Variants in STX2 observed in about 807,000 individuals in gnomAD.
STX2 encodes syntaxin 2.
In STX2, 27 loss-of-function variants were observed where a neutral mutation model predicts 40.6. That is an observed-to-expected ratio of 0.66 (90% confidence interval 0.49 to 0.92). The LOEUF (loss-of-function observed/expected upper bound fraction) is 0.92. STX2 is among the 40% of genes least tolerant of loss of function. The pLI is 0.00. For missense variants in STX2, 328 were observed against 366.1 expected, an observed-to-expected ratio of 0.90 and a Z score of 0.85; for synonymous variants, 123 against 119.1, an observed-to-expected ratio of 1.03 and a Z score of -0.22.
At chr12:130,808,466 C>T (rs1951523419) in intron 5 of STX2, among the ~76,000 whole-genome samples, 165 bp downstream of exon 5, 1 of 152,142 alleles carries the variant, frequency 6.6e-6, no homozygotes, top group African/African-American at 2.4e-5. Context: ...CAAAATAAAC[C>T]TCTGTCTCAG....
chr12:130,797,859 G>C (rs745687293), intron 9 of STX2, among the ~76,000 whole-genome samples: 2 of 152,192 alleles, frequency 1.3e-5, no homozygotes, highest in Non-Finnish European at 2.9e-5. Context: ...AAGACTGCAG[G>C]TCCACGGTCT....
chr12:130,826,528 C>T (rs1231378684), intron 2 of STX2, among the ~76,000 whole-genome samples: 2 of 152,236 alleles, frequency 1.3e-5, no homozygotes, highest in Admixed American at 6.5e-5. Context: ...CCACCATCCA[C>T]ACCCAGTTCC....
At chr12:130,805,841 C>A (rs750812547) in intron 6 of STX2, among the ~76,000 whole-genome samples, 1 of 152,140 alleles carries the variant, frequency 6.6e-6, no homozygotes, top group African/African-American at 2.4e-5. Flanking sequence ...TCGAAACTTA[C>A]CAGGCTCGCA....
intron 6 of STX2, 107 bp downstream of exon 6, chr12:130,806,875 T>G (rs1951454547): frequency 9.6e-7 from 1 of 1,040,246 alleles, no homozygotes; most frequent in Non-Finnish European, 1.4e-6. Context: ...TTTACACTAT[T>G]GGTGAAAATA....
chr12:130,822,633 A>G (rs1952158442), intron 2 of STX2, among the ~76,000 whole-genome samples: 1 of 152,152 alleles, frequency 6.6e-6, no homozygotes, highest in South Asian at 2.1e-4. Flanking sequence ...GACCCCAAAG[A>G]TGTTCAGGTC....
At chr12:130,826,366 T>A (rs939627113) in intron 2 of STX2, among the ~76,000 whole-genome samples, 10 of 152,018 alleles carry the variant, frequency 6.6e-5, no homozygotes, top group Admixed American at 5.2e-4. Context: ...TTTGTAAAAC[T>A]CTCTTAAGGG....
At chr12:130,815,065 T>C (rs935466566) in intron 3 of STX2, among the ~76,000 whole-genome samples, 17 of 152,266 alleles carry the variant, frequency 1.1e-4, no homozygotes, top group African/African-American at 3.9e-4. Flanking sequence ...ACATGCCATC[T>C]CTATTTAAAA....
intron 2 of STX2, among the ~76,000 whole-genome samples, chr12:130,823,293 C>G (rs1356409864): frequency 6.6e-6 from 1 of 152,176 alleles, no homozygotes; most frequent in Non-Finnish European, 1.5e-5. Flanking sequence ...GCCTGGGCAA[C>G]AGAGCAAGAC....
At chr12:130,821,564 G>C (rs1166146388) in intron 3 of STX2, 125 bp downstream of exon 3, 5 of 768,104 alleles carry the variant, frequency 6.5e-6, no homozygotes, top group Non-Finnish European at 1.1e-5. Flanking sequence ...AGACTCTCTA[G>C]GGTGTCAGCA....
chr12:130,830,746 T>G (rs1952528695), intron 1 of STX2, among the ~76,000 whole-genome samples: 1 of 152,212 alleles, frequency 6.6e-6, no homozygotes, highest in African/African-American at 2.4e-5. Flanking sequence ...AGCTACATTA[T>G]TCTTGTCTTC....
At chr12:130,805,569 C>T (rs1565910381) in intron 6 of STX2, among the ~76,000 whole-genome samples, 2 of 152,192 alleles carry the variant, frequency 1.3e-5, no homozygotes, top group South Asian at 2.1e-4. Context: ...AGAGGGAACA[C>T]GCTGCCAGGC....
intron 1 of STX2, among the ~76,000 whole-genome samples, chr12:130,836,406 A>G (rs1412700263): frequency 1.3e-5 from 2 of 151,858 alleles, no homozygotes; most frequent in African/African-American, 4.8e-5. Flanking sequence ...GAGTAGCTGG[A>G]ACCACAGGCA....
In STX2 at chr12:130,798,409, C is replaced by T. The variant is rs983239244; in HGVS notation, c.786+116G>A. On this transcript the variant is annotated intron_variant, in intron 9 of 10. Transcript: ENST00000392373. ...AAATTATTTCCATTTTAAAATAAAA[C>T]ATTTATTAATTAATTATTTCTTGGA... The T allele has an allele frequency of 7.0e-6, 4 of 572,450 alleles. No homozygotes were observed. In the African/African-American group the frequency reaches 7.9e-5, roughly 11 times the overall value. 35.5% of individuals were successfully genotyped at this position (572,450 alleles called of 1,614,324 possible).
At position 130,838,170 on chromosome 12, in the gene STX2, A is replaced by G. The variant is rs540006071; in HGVS notation, c.30+900T>C. Among the ~76,000 whole-genome samples the G allele has an allele frequency of 3.9e-5, 6 of 152,346 alleles. No individual in the cohort carries two copies. The South Asian group carries it at 1.2e-3, about 32-fold the overall frequency. On this transcript the variant is annotated intron_variant, in intron 1 of 10. Coordinates refer to ENST00000392373, the MANE Select transcript of STX2 (RefSeq NM_194356.4). ...AGAGGCTCTATCTGTGCACACACGTAGCATGAATTAGTACCTGTATTGTAA... is the reference window on the plus strand; with the variant it reads ...AGAGGCTCTATCTGTGCACACACGTGGCATGAATTAGTACCTGTATTGTAA...
At chr12:130,807,488 T>C (rs1036442663) in intron 5 of STX2, among the ~76,000 whole-genome samples, 5 of 140,246 alleles carry the variant, frequency 3.6e-5, no homozygotes, top group Admixed American at 1.4e-4. Context: ...TTCATCGCCT[T>C]GTGCCCATGA....
intron 8 of STX2, 124 bp downstream of exon 8, chr12:130,801,029 A>G (rs1951204296): frequency 9.0e-7 from 1 of 1,112,552 alleles, no homozygotes; most frequent in Non-Finnish European, 1.2e-6. Context: ...CACTGCAATT[A>G]ACCTGAATTT....
At chr12:130,821,811 AC>A in intron 2 of STX2, 23 bp from the exon 3 acceptor site, 3 of 1,506,178 alleles carry the variant, frequency 2.0e-6, no homozygotes, top group Non-Finnish European at 1.8e-6. Flanking sequence ...GAGAGTCATT[AC>A]AGCATGGCAA....
In STX2 at chr12:130,813,043, T is replaced by A. The variant is rs756308707; in HGVS notation, c.206-12A>T. ...CTCTTCTTTTATTTCTATAAAAATT[T>A]AAAATTAAAAAATAAAATACAGCAT... On this transcript the variant is annotated splice_polypyrimidine_tract_variant and intron_variant, in intron 3 of 10. Transcript: ENST00000392373. 3 of 1,446,322 alleles carry A rather than the reference T, an allele frequency of 2.1e-6. No homozygotes were observed. The African/African-American group carries it at 4.4e-5, about 21-fold the overall frequency. 89.6% of individuals were successfully genotyped at this position (1,446,322 alleles called of 1,614,324 possible).
At chr12:130,837,656 G>C (rs1267925906) in intron 1 of STX2, among the ~76,000 whole-genome samples, 6 of 152,046 alleles carry the variant, frequency 3.9e-5, no homozygotes, top group Non-Finnish European at 8.8e-5. Context: ...CCAATACCTG[G>C]GCTCAAGTGA....
Sources: allele counts gnomAD v4.1 joint callset (sites outside exome capture counted in the v4.1 genomes callset), GRCh38; gene constraint gnomAD v4.1.1; transcripts MANE v1.5; gene names NCBI Gene and HGNC (gene_info 2026-07-23, HGNC 2026-07-21).